Variants in GSAP observed in about 807,000 individuals in gnomAD.
GSAP encodes gamma-secretase-activating protein.
A neutral mutation model predicts 131.7 loss-of-function variants in GSAP; 118 were observed. That is an observed-to-expected ratio of 0.90 (90% CI 0.77 to 1.04). GSAP has a LOEUF of 1.04. Among genes scored for constraint, GSAP ranks in the 50% least tolerant of loss-of-function variants. The probability of loss-of-function intolerance (pLI) is 0.00; values close to 1 mark genes in which losing one functional copy is unlikely to be tolerated. For missense variants in GSAP, 1,019 were observed against 1,013.2 expected (o/e 1.01, Z -0.08); for synonymous variants, 381 against 363.4 (o/e 1.05, Z -0.55).
At chr7:77,407,174 A>G (rs929213561) in intron 1 of GSAP, among the ~76,000 whole-genome samples, 5 of 152,160 alleles carry the variant, frequency 3.3e-5, no homozygotes, top group African/African-American at 9.7e-5. Context: ...AAAATTACAC[A>G]TAAGTTTTTA....
At chr7:77,329,415 A>T in intron 20 of GSAP, 24 bp from the exon 21 acceptor site, 2 of 1,390,788 alleles carry the variant, frequency 1.4e-6, no homozygotes, top group Non-Finnish European at 2.0e-6. Flanking sequence ...CACGTCAGAA[A>T]TGTGGAAGGT....
intron 6 of GSAP, among the ~76,000 whole-genome samples, chr7:77,384,511 A>T (rs557055130): frequency 6.6e-6 from 1 of 151,922 alleles, no homozygotes; most frequent in Non-Finnish European, 1.5e-5. Flanking sequence ...TTACTTTGAA[A>T]AATTTATCTT....
At position 77,311,829 on chromosome 7, in the gene GSAP, G is replaced by A. The variant is rs768591082; in HGVS notation, c.2473+12C>T. On this transcript the variant is annotated intron_variant, in intron 30 of 30. Transcript: ENST00000257626. ...AAAGTGGTAAGACCCTGAGAACAGGGGAGTAAATTACCTTGATTGGAGGAC... is the reference window on the plus strand; with the variant it reads ...AAAGTGGTAAGACCCTGAGAACAGGAGAGTAAATTACCTTGATTGGAGGAC... 1.6e-6 allele frequency: 2 copies of A among 1,240,588 alleles called. No individual in the cohort carries two copies. The highest frequency in any genetic ancestry group is 4.6e-5 in the East Asian group (2 of 43,144). 76.8% of individuals were successfully genotyped at this position (1,240,588 alleles called of 1,614,324 possible).
intron 19 of GSAP, among the ~76,000 whole-genome samples, chr7:77,333,034 G>A (rs1043598949): frequency 1.3e-5 from 2 of 152,090 alleles, no homozygotes; most frequent in African/African-American, 4.8e-5. Flanking sequence ...GGGCGTGGTC[G>A]CATGCACCTG....
rs149402329 is a variant in GSAP, at chr7:77,388,468, C to T, written c.368-1020G>A. Among the ~76,000 whole-genome samples the T allele has an allele frequency of 1.9e-4, 29 of 152,230 alleles. No homozygotes were observed. In the East Asian group the frequency reaches 5.2e-3, roughly 27 times the overall value. ...CTTCAGTGTCACATCTGAGCAAATGCCATAAAATACAGCAATCAGGAGGAA... is the reference window on the plus strand; with the variant it reads ...CTTCAGTGTCACATCTGAGCAAATGTCATAAAATACAGCAATCAGGAGGAA... On this transcript the variant is annotated intron_variant, in intron 5 of 30. Transcript: ENST00000257626.
chr7:77,388,108 A>T (rs1483428935), intron 5 of GSAP, among the ~76,000 whole-genome samples: 1 of 152,264 alleles, frequency 6.6e-6, no homozygotes, highest in Non-Finnish European at 1.5e-5. Flanking sequence ...GTTTGACTTT[A>T]AAGTTTGACT....
intron 2 of GSAP, among the ~76,000 whole-genome samples, chr7:77,405,324 T>G (rs1311661732): frequency 6.6e-6 from 1 of 152,152 alleles, no homozygotes; most frequent in East Asian, 1.9e-4. Context: ...TAATAATGCT[T>G]CGAAAGTCCT....
At position 77,397,377 on chromosome 7, in the gene GSAP, A is replaced by G. The variant is rs769388276; in HGVS notation, c.282T>C (p.Ser94=). The part of the protein sequence containing the change: ...YTFEKDLQVF[S]CSVNSERTLL... ...AAGTCCTTTCACTGTTGACAGAGCA[A>G]CTGAAAACTTGCAAGTCTTTCTCAA... The change falls in exon 4 of 31, where the codon AGT becomes AGC. Residue 94 remains serine (S), a synonymous_variant. Coordinates refer to ENST00000257626, the MANE Select transcript of GSAP (RefSeq NM_017439.4). 1 of 1,607,266 alleles carries G rather than the reference A, an allele frequency of 6.2e-7. No individual in the cohort carries two copies.
At chr7:77,320,410 A>G (rs1448872926) in intron 26 of GSAP, among the ~76,000 whole-genome samples, 1 of 152,176 alleles carries the variant, frequency 6.6e-6, no homozygotes, top group Non-Finnish European at 1.5e-5. Context: ...AGACATCTCA[A>G]TCAGATAAAC....
chr7:77,348,953 TGCAC>T (rs1792326125), intron 19 of GSAP, among the ~76,000 whole-genome samples: 1 of 151,308 alleles, frequency 6.6e-6, no homozygotes, highest in African/African-American at 2.4e-5. Flanking sequence ...TGTGTGTGTG[TGCAC>T]GTGCACGTGC....
At chr7:77,395,250 A>G (rs991106204) in intron 5 of GSAP, among the ~76,000 whole-genome samples, 5 of 152,196 alleles carry the variant, frequency 3.3e-5, no homozygotes, top group East Asian at 1.9e-4. Flanking sequence ...ATAAGGCTCA[A>G]GAAGAACTGG....
chr7:77,344,887 T>TTTC (rs1353601148), intron 19 of GSAP, among the ~76,000 whole-genome samples: 1 of 152,206 alleles, frequency 6.6e-6, no homozygotes, highest in Non-Finnish European at 1.5e-5. Flanking sequence ...TGGCTTTGCA[T>TTTC]TTCTCTTTCC....
chr7:77,343,286 C>T (rs1019782306), intron 19 of GSAP, among the ~76,000 whole-genome samples: 11 of 152,294 alleles, frequency 7.2e-5, no homozygotes, highest in East Asian at 1.9e-4. Flanking sequence ...TCACACCTGA[C>T]GCATATACTT....
At chr7:77,351,284 T>C in intron 18 of GSAP, 1 of 949,314 alleles carries the variant, frequency 1.1e-6, no homozygotes, top group Non-Finnish European at 1.3e-6. Flanking sequence ...AAAAGAGGTA[T>C]AGTTGTTTGC....
chr7:77,360,751 T>C (rs1794413164), intron 14 of GSAP, 73 bp downstream of exon 14: 4 of 794,844 alleles, frequency 5.0e-6, no homozygotes, highest in South Asian at 2.8e-5. Context: ...AATGGGATAG[T>C]ATAGAAGGCT....
intron 12 of GSAP, among the ~76,000 whole-genome samples, chr7:77,368,067 T>C (rs985984799): frequency 6.6e-6 from 1 of 152,154 alleles, no homozygotes; most frequent in African/African-American, 2.4e-5. Flanking sequence ...TCATTTCTAA[T>C]TGTGTTTATT....
At chr7:77,327,887 T>C (rs367809204) in intron 22 of GSAP, among the ~76,000 whole-genome samples, 31 of 152,154 alleles carry the variant, frequency 2.0e-4, no homozygotes, top group African/African-American at 7.2e-4. Flanking sequence ...ATAATACCTG[T>C]CATTTGGTTT....
intron 6 of GSAP, among the ~76,000 whole-genome samples, chr7:77,385,396 A>G (rs911722865): frequency 5.9e-5 from 9 of 152,162 alleles, no homozygotes; most frequent in African/African-American, 2.2e-4. Flanking sequence ...CCACTTTAAT[A>G]TATACAATTT....
intron 3 of GSAP, among the ~76,000 whole-genome samples, chr7:77,399,732 C>T (rs1801012468): frequency 6.6e-6 from 1 of 152,014 alleles, no homozygotes; most frequent in Non-Finnish European, 1.5e-5. Context: ...GTGAAGTCAA[C>T]CCACTTGTCC....
Sources: gnomAD v4.1 joint callset for allele counts (sites outside exome capture counted in the v4.1 genomes callset) on GRCh38, gnomAD v4.1.1 for gene constraint, MANE v1.5 for transcripts, NCBI Gene and HGNC (gene_info 2026-07-23, HGNC 2026-07-21) for gene names.